The following IQGAP2 variants were observed in gnomAD, a reference collection of about 807,000 sequenced individuals.
The protein encoded by IQGAP2 is ras GTPase-activating-like protein IQGAP2.
Under a neutral mutation model 201.3 loss-of-function variants are expected in IQGAP2, and 173 were observed. The ratio of observed to expected loss-of-function variants is 0.86; its 90% confidence interval spans 0.76 to 0.98. The LOEUF (loss-of-function observed/expected upper bound fraction) is 0.98, where lower values mean the gene tolerates loss of function less well. Ranked by LOEUF, IQGAP2 falls within the 50% of genes least tolerant of loss-of-function variation. The pLI is 0.00. For missense variants in IQGAP2, 1,687 were observed against 1,864.8 expected (o/e 0.90, Z 1.76); for synonymous variants, 675 against 673.9 (o/e 1.00, Z -0.03).
chr5:76,426,441 G>C (rs970809309), intron 1 of IQGAP2, among the ~76,000 whole-genome samples: 1 of 152,188 alleles, frequency 6.6e-6, no homozygotes, highest in Non-Finnish European at 1.5e-5. Flanking sequence ...GGAGCAGAAG[G>C]GAAACCAAAC....
chr5:76,602,635 A>G (rs928481485), intron 11 of IQGAP2, among the ~76,000 whole-genome samples: 11 of 151,872 alleles, frequency 7.2e-5, no homozygotes, highest in African/African-American at 2.7e-4. Context: ...CAGTACTGAC[A>G]TGGGATTTAA....
In IQGAP2 at chr5:76,683,870, T is replaced by A; in HGVS notation, c.3858T>A (p.Tyr1286Ter). 12 of 1,613,380 alleles carry A rather than the reference T, an allele frequency of 7.4e-6. No homozygotes were observed. The highest frequency in any genetic ancestry group is 1.0e-5 in the Non-Finnish European group (12 of 1,179,658). The change falls in exon 30 of 36, where the codon TAT becomes TAA. Residue 1286 changes from tyrosine (Y) to a stop codon, truncating the protein, a stop_gained. Coordinates refer to ENST00000274364, the MANE Select transcript of IQGAP2 (RefSeq NM_006633.5). LOFTEE classifies it high-confidence loss of function. The part of the protein sequence containing the change: ...TEISLVLTSK[Y>*]DIEDGEAIDS... ...TTTCTCTTGTCTTGACAAGCAAATA[T>A]GACATAGAGGACGGTGAAGCTATAG...
intron 28 of IQGAP2, 35 bp downstream of exon 28, chr5:76,677,385 C>T (rs1277290819): frequency 6.2e-7 from 1 of 1,603,830 alleles, no homozygotes; most frequent in Non-Finnish European, 8.5e-7. Context: ...TAGCAATGGA[C>T]CCATGATTTA....
At chr5:76,626,270 CTTT>C (rs34251090) in intron 13 of IQGAP2, among the ~76,000 whole-genome samples, 5 of 83,654 alleles carry the variant, frequency 6.0e-5, no homozygotes, top group East Asian at 3.8e-4. Context: ...TTCTTCTTTT[CTTT>C]TTTTTTTTTT....
At chr5:76,618,224 A>G (rs1749203895) in intron 13 of IQGAP2, 1 of 1,614,194 alleles carries the variant, frequency 6.2e-7, no homozygotes, top group Non-Finnish European at 8.5e-7. Context: ...GGACCTCTCC[A>G]AATACCCAGT....
At position 76,411,272 on chromosome 5, in the gene IQGAP2, C is replaced by T. The variant is rs538372988; in HGVS notation, c.46+7681C>T. Among the ~76,000 whole-genome samples, 28 of 152,290 alleles carry T rather than the reference C, an allele frequency of 1.8e-4. No individual in the cohort carries two copies. The East Asian group carries it at 3.5e-3, about 19-fold the overall frequency. ...GAAAACACATGGGTATGTTATGGAA[C>T]GCTTTATTTACAGTATCTCTTGGAT... is the stretch of plus-strand genomic sequence containing the variant. On this transcript the variant is annotated intron_variant, in intron 1 of 35. Transcript: ENST00000274364.
intron 13 of IQGAP2, among the ~76,000 whole-genome samples, chr5:76,613,678 G>A (rs1029079376): frequency 2.0e-5 from 3 of 152,068 alleles, no homozygotes; most frequent in Non-Finnish European, 4.4e-5. Context: ...AGTAAGGGGC[G>A]AGTGATGTCA....
chr5:76,648,777 T>A (rs1039817395), intron 17 of IQGAP2, among the ~76,000 whole-genome samples: 5 of 152,170 alleles, frequency 3.3e-5, no homozygotes, highest in African/African-American at 4.8e-5. Context: ...ACCCAATGAA[T>A]AGTCTTTGCA....
chr5:76,426,931 T>TGTGTGTGTGTGTGTGA (rs1437229439), intron 1 of IQGAP2, among the ~76,000 whole-genome samples: 8 of 151,942 alleles, frequency 5.3e-5, no homozygotes, highest in South Asian at 2.1e-4. Context: ...TGTGTGTGTG[T>TGTGTGTGTGTGTGTGA]GTGTGAGTGT....
intron 2 of IQGAP2, among the ~76,000 whole-genome samples, chr5:76,480,825 A>G (rs1040216457): frequency 1.3e-5 from 2 of 149,896 alleles, no homozygotes; most frequent in Admixed American, 6.6e-5. Context: ...TTGTGCCCCT[A>G]TAACAGAGTA....
chr5:76,622,120 C>G lies in IQGAP2; in HGVS notation c.1522-5290C>G, dbSNP rs947008233. On this transcript the variant is annotated intron_variant, in intron 13 of 35. Transcript: ENST00000274364. ...TTCATTCTTCCTTCACATTTCTCCC[C>G]CACCCCATGGAAGAAAGCAAATTCA... Among the ~76,000 whole-genome samples the G allele has an allele frequency of 2.6e-5, 4 of 152,252 alleles. No homozygotes were observed. In the South Asian group the frequency reaches 6.2e-4, roughly 24 times the overall value.
chr5:76,693,617 A>G (rs774935808), intron 31 of IQGAP2, among the ~76,000 whole-genome samples, 175 bp downstream of exon 31: 31 of 152,348 alleles, frequency 2.0e-4, no homozygotes, highest in Non-Finnish European at 3.8e-4. Context: ...TGTATGAAGT[A>G]TCAATGGGAA....
chr5:76,583,730 GTA>G (rs1231508103), intron 5 of IQGAP2, among the ~76,000 whole-genome samples: 4 of 152,178 alleles, frequency 2.6e-5, no homozygotes, highest in Non-Finnish European at 4.4e-5. Context: ...AATTAAAAAT[GTA>G]ATTGGAAATA....
intron 2 of IQGAP2, among the ~76,000 whole-genome samples, chr5:76,529,501 G>T (rs990314658): frequency 6.6e-6 from 1 of 151,920 alleles, no homozygotes; most frequent in East Asian, 1.9e-4. Context: ...AGTGGCGCAC[G>T]CCTGTAATCC....
chr5:76,636,576 A>G (rs1751146672), intron 15 of IQGAP2, among the ~76,000 whole-genome samples: 1 of 152,178 alleles, frequency 6.6e-6, no homozygotes. Flanking sequence ...GCTTTGGTTT[A>G]ATGCCGAACA....
chr5:76,498,065 C>T (rs989905819), intron 2 of IQGAP2, among the ~76,000 whole-genome samples: 7 of 151,990 alleles, frequency 4.6e-5, no homozygotes, highest in Non-Finnish European at 7.4e-5. Flanking sequence ...TTGGAACTCC[C>T]GGATAAGGAA....
At chr5:76,618,581 T>C in intron 13 of IQGAP2, 2 of 1,614,052 alleles carry the variant, frequency 1.2e-6, no homozygotes, top group South Asian at 2.2e-5. Context: ...TTGGGGGAGC[T>C]CCACGAAAGG....
At chr5:76,447,196 C>A (rs1036557759) in intron 1 of IQGAP2, among the ~76,000 whole-genome samples, 2 of 152,206 alleles carry the variant, frequency 1.3e-5, no homozygotes, top group Admixed American at 6.5e-5. Context: ...AACTAAGAAT[C>A]CCTAGGCCTA....
At chr5:76,475,883 C>T (rs1423409912) in intron 2 of IQGAP2, among the ~76,000 whole-genome samples, 1 of 152,060 alleles carries the variant, frequency 6.6e-6, no homozygotes, top group Non-Finnish European at 1.5e-5. Context: ...TTGGCCTCTG[C>T]ATGGGAAACA....
Sources: allele counts gnomAD v4.1 joint callset (sites outside exome capture counted in the v4.1 genomes callset), GRCh38; gene constraint gnomAD v4.1.1; transcripts MANE v1.5; gene names NCBI Gene and HGNC (gene_info 2026-07-23, HGNC 2026-07-21).